The following TMEM132B variants were observed in gnomAD, a reference collection of about 807,000 sequenced individuals.
TMEM132B encodes the protein transmembrane protein 132B.
A neutral mutation model predicts 90.8 loss-of-function variants in TMEM132B; 18 were observed. The observed-to-expected ratio is 0.20, with a 90% CI of 0.14 to 0.29. TMEM132B has a LOEUF of 0.29. Among genes scored for constraint, TMEM132B ranks in the 10% least tolerant of loss-of-function variants. The pLI is 1.00. For missense variants in TMEM132B, 1,096 were observed against 1,326.8 expected, an observed-to-expected ratio of 0.83 and a Z score of 2.70; for synonymous variants, 504 against 523.3, an observed-to-expected ratio of 0.96 and a Z score of 0.50.
Position 125,657,074 on chromosome 12 carries a change from T to C in TMEM132B, c.*2364T>C, listed in dbSNP as rs1174144987. On this transcript the variant is annotated 3_prime_UTR_variant, in exon 9 of 9. Transcript: ENST00000682704. The stretch of plus-strand genomic sequence containing the variant: ...CCTCTGATGGCAGTGCTTGACGGGG[T>C]GCAGGGAACAAACTGGGGAGCGTTC... 1 of 152,058 alleles carries C rather than the reference T, an allele frequency of 6.6e-6. No homozygotes were observed. The highest frequency in any genetic ancestry group is 1.5e-5 in the Non-Finnish European group (1 of 68,036). 9.4% of individuals were successfully genotyped at this position (152,058 alleles called of 1,614,324 possible).
chr12:125,654,270 G>C lies in TMEM132B; in HGVS notation c.2812G>C (p.Val938Leu). The change falls in exon 9 of 9, where the codon GTG (valine) becomes CTG (leucine). Residue 938 changes from valine (V) to leucine (L), a missense_variant. Transcript: ENST00000682704. The surrounding 1 kb of genome is among the most constrained non-coding windows in gnomAD (Gnocchi z 5.8). The part of the protein sequence containing the change: ...AWKYRHKRFA[V>L]SEQGNIPHSH... ...GAAATACAGACACAAAAGGTTTGCT[G>C]TGAGTGAGCAGGGCAACATCCCCCA... 6.2e-7 allele frequency: 1 copy of C among 1,613,876 alleles called. No homozygotes were observed. The highest frequency in any genetic ancestry group is 8.5e-7 in the Non-Finnish European group (1 of 1,180,048).
At chr12:125,321,713 G>T (rs181904513) in intron 1 of TMEM132B, among the ~76,000 whole-genome samples, 1 of 152,136 alleles carries the variant, frequency 6.6e-6, no homozygotes, top group Admixed American at 6.5e-5. Flanking sequence ...CCTGACCTCA[G>T]GTGATCCACC....
chr12:125,313,367 CTT>C (rs1228770248), intron 1 of TMEM132B, among the ~76,000 whole-genome samples: 2 of 151,962 alleles, frequency 1.3e-5, no homozygotes, highest in African/African-American at 4.8e-5. Context: ...TTTTCCTTTC[CTT>C]TCTTTCTTGA....
intron 5 of TMEM132B, among the ~76,000 whole-genome samples, chr12:125,601,773 A>C (rs893280254): frequency 9.9e-5 from 15 of 150,996 alleles, no homozygotes; most frequent in African/African-American, 3.7e-4. Context: ...AAAAATGATA[A>C]AGGGGATATC....
chr12:125,222,979 T>G (rs543264907), intron 1 of TMEM132B, among the ~76,000 whole-genome samples: 51 of 152,380 alleles, frequency 3.3e-4, no homozygotes, highest in African/African-American at 1.2e-3. Context: ...CATTACATAA[T>G]GAACTGTAAA....
chr12:125,239,803 C>T (rs190495965), intron 1 of TMEM132B, among the ~76,000 whole-genome samples: 3 of 152,336 alleles, frequency 2.0e-5, no homozygotes, highest in Non-Finnish European at 2.9e-5. Flanking sequence ...ACTGCCTGCT[C>T]ATGGTTTGTT....
intron 1 of TMEM132B, among the ~76,000 whole-genome samples, chr12:125,241,019 T>C (rs1342905544): frequency 6.6e-6 from 1 of 152,188 alleles, no homozygotes; most frequent in Non-Finnish European, 1.5e-5. Context: ...AGTACCTCCT[T>C]TAAAACAACG....
chr12:125,480,351 T>C (rs1882005518), intron 3 of TMEM132B, among the ~76,000 whole-genome samples: 1 of 152,064 alleles, frequency 6.6e-6, no homozygotes, highest in African/African-American at 2.4e-5. Context: ...ACAAAATTGA[T>C]AGACCACTAG....
chr12:125,346,491 G>A (rs1877369891), intron 1 of TMEM132B, among the ~76,000 whole-genome samples: 1 of 152,216 alleles, frequency 6.6e-6, no homozygotes, highest in South Asian at 2.1e-4. Context: ...CCTGCTGACG[G>A]TGTTCCTGTT....
chr12:125,341,277 A>G (rs1041059618), intron 1 of TMEM132B, among the ~76,000 whole-genome samples: 2 of 152,204 alleles, frequency 1.3e-5, no homozygotes, highest in African/African-American at 4.8e-5. Flanking sequence ...TTTCTCATTT[A>G]TGAGTGGGGG....
intron 1 of TMEM132B, among the ~76,000 whole-genome samples, chr12:125,284,300 T>C (rs773688210): frequency 8.5e-5 from 13 of 152,242 alleles, no homozygotes; most frequent in Non-Finnish European, 5.9e-5. Flanking sequence ...CATGAATCTT[T>C]GCAGAGATTT....
intron 4 of TMEM132B, among the ~76,000 whole-genome samples, chr12:125,564,347 G>T (rs1178827497): frequency 8.4e-6 from 1 of 119,286 alleles, no homozygotes; most frequent in East Asian, 2.1e-4. Flanking sequence ...TTTGCTCTTG[G>T]TGCGTTCAGT....
chr12:125,513,798 G>A (rs575777065), intron 3 of TMEM132B, among the ~76,000 whole-genome samples: 4 of 152,148 alleles, frequency 2.6e-5, no homozygotes, highest in African/African-American at 9.6e-5. Flanking sequence ...TTTTTAAATT[G>A]TATTTTTTTA....
intron 5 of TMEM132B, among the ~76,000 whole-genome samples, chr12:125,641,456 C>T (rs1454132680): frequency 1.3e-5 from 2 of 152,220 alleles, no homozygotes; most frequent in East Asian, 1.9e-4. Context: ...AGTCTTAGTA[C>T]TCAGTATGAT....
chr12:125,204,237 G>T (rs1463222357), intron 1 of TMEM132B, among the ~76,000 whole-genome samples: 1 of 150,638 alleles, frequency 6.6e-6, no homozygotes, highest in Non-Finnish European at 1.5e-5. Flanking sequence ...TTCAGTGAGG[G>T]CTCCGTGTAC....
At chr12:125,494,609 C>T (rs1339190060) in intron 3 of TMEM132B, among the ~76,000 whole-genome samples, 13 of 86,814 alleles carry the variant, frequency 1.5e-4, no homozygotes, top group Admixed American at 3.5e-4. Context: ...TGAAAATGGC[C>T]GCGTCCCTCC....
At chr12:125,491,007 G>A (rs916351340) in intron 3 of TMEM132B, among the ~76,000 whole-genome samples, 1 of 152,156 alleles carries the variant, frequency 6.6e-6, no homozygotes, top group African/African-American at 2.4e-5. Context: ...AGCCATATGG[G>A]TGTGCCATCT....
chr12:125,200,463 A>AT (rs946092554), intron 1 of TMEM132B, among the ~76,000 whole-genome samples: 55 of 152,034 alleles, frequency 3.6e-4, no homozygotes, highest in African/African-American at 1.1e-3. Flanking sequence ...GAACTACCTC[A>AT]TTTTTTTTGA....
At chr12:125,620,359 CTG>C (rs947986516) in intron 5 of TMEM132B, among the ~76,000 whole-genome samples, 10 of 152,216 alleles carry the variant, frequency 6.6e-5, no homozygotes, top group Admixed American at 3.3e-4. Flanking sequence ...CTTTCCCAAA[CTG>C]TGTGAATTTG....
Sources: allele counts gnomAD v4.1 joint callset (sites outside exome capture counted in the v4.1 genomes callset), GRCh38; gene constraint gnomAD v4.1.1; non-coding constraint Gnocchi (gnomAD v3.1); transcripts MANE v1.5; gene names NCBI Gene and HGNC (gene_info 2026-07-23, HGNC 2026-07-21).